The following FHIT variants were observed in gnomAD, a reference collection of about 807,000 sequenced individuals.
The protein encoded by FHIT is fragile histidine triad diadenosine triphosphatase.
FHIT carries 19 observed loss-of-function variants against 17.9 expected under a neutral mutation model. The ratio of observed to expected loss-of-function variants is 1.06; its 90% CI spans 0.74 to 1.56. The LOEUF (loss-of-function observed/expected upper bound fraction) is 1.56, where lower values mean the gene tolerates loss of function less well. Ranked by LOEUF, FHIT falls within the 40% of genes most tolerant of loss-of-function variation. FHIT has a pLI of 0.00. For synonymous variants in FHIT, 81 were observed against 69.7 expected (o/e 1.16, Z -0.81); for missense variants, 248 against 189.2 (o/e 1.31, Z -1.82).
At chr3:60,463,676 A>C (rs1318075427) in intron 5 of FHIT, among the ~76,000 whole-genome samples, 1 of 152,338 alleles carries the variant, frequency 6.6e-6, no homozygotes, top group South Asian at 2.1e-4. Flanking sequence ...AGGTTATAGC[A>C]TGCCCAGAGA....
intron 3 of FHIT, among the ~76,000 whole-genome samples, chr3:61,014,807 A>AAAAAT (rs1553798839): frequency 6.1e-5 from 3 of 49,098 alleles, no homozygotes; most frequent in African/African-American, 1.6e-4. Context: ...AAAAAAAAAA[A>AAAAAT]ATATATATAT....
intron 2 of FHIT, among the ~76,000 whole-genome samples, chr3:61,184,332 G>A (rs2118811): frequency 0.44 from 66,759 of 151,820 alleles, 15,705 homozygotes; most frequent in East Asian, 0.87. Context: ...GACAGCCAGA[G>A]GATACAGACA....
At chr3:60,423,094 G>A (rs1702535329) in intron 5 of FHIT, among the ~76,000 whole-genome samples, 1 of 152,144 alleles carries the variant, frequency 6.6e-6, no homozygotes. Context: ...GGAACAGGCA[G>A]CCTCAATTGC....
chr3:60,164,715 C>G (rs1701087118), intron 5 of FHIT, among the ~76,000 whole-genome samples: 1 of 152,098 alleles, frequency 6.6e-6, no homozygotes, highest in African/African-American at 2.4e-5. Flanking sequence ...ATCTGCCTAC[C>G]ACTGGGCTTG....
At chr3:59,866,739 C>A (rs760564417) in intron 8 of FHIT, among the ~76,000 whole-genome samples, 5 of 152,190 alleles carry the variant, frequency 3.3e-5, no homozygotes, top group Admixed American at 2.0e-4. Context: ...GGAGATAGTG[C>A]TTAGAAAGAA....
chr3:60,375,890 T>C (rs1454721426), intron 5 of FHIT, among the ~76,000 whole-genome samples: 1 of 152,160 alleles, frequency 6.6e-6, no homozygotes, highest in Admixed American at 6.5e-5. Context: ...CCCAATATGG[T>C]AGTCATGAGC....
At chr3:59,986,752 A>AAATATATT (rs1559524499) in intron 7 of FHIT, among the ~76,000 whole-genome samples, 40 of 2,214 alleles carry the variant, frequency 0.018, no homozygotes, top group South Asian at 0.024. Flanking sequence ...ATATTTATAT[A>AAATATATT]TATATAAATA....
intron 5 of FHIT, among the ~76,000 whole-genome samples, chr3:60,527,779 GAGA>G (rs2035627704): frequency 6.6e-6 from 1 of 152,176 alleles, no homozygotes; most frequent in South Asian, 2.1e-4. Context: ...AAACTCTAGG[GAGA>G]AGAACTTCTC....
At chr3:60,410,713 T>G (rs1020917426) in intron 5 of FHIT, among the ~76,000 whole-genome samples, 1 of 152,126 alleles carries the variant, frequency 6.6e-6, no homozygotes, top group African/African-American at 2.4e-5. Context: ...AGAGATTAAT[T>G]AGCTAAATAA....
At chr3:59,775,207 T>C (rs1199034248) in intron 8 of FHIT, among the ~76,000 whole-genome samples, 1 of 151,998 alleles carries the variant, frequency 6.6e-6, no homozygotes, top group African/African-American at 2.4e-5. Flanking sequence ...CCTGGGGGTG[T>C]TTAGGGTTTG....
intron 5 of FHIT, among the ~76,000 whole-genome samples, chr3:60,095,785 T>G (rs1416136000): frequency 6.6e-6 from 1 of 152,182 alleles, no homozygotes; most frequent in African/African-American, 2.4e-5. Context: ...ACCATTCTAG[T>G]TGGCCTATCT....
Position 59,752,215 on chromosome 3 carries a change from C to T in FHIT, c.*5+6G>A. On this transcript the variant is annotated splice_donor_region_variant and intron_variant, in intron 9 of 9. Transcript: ENST00000492590. The stretch of plus-strand genomic sequence containing the variant: ...GGTCTGGGTAATGACGAAATGCAGT[C>T]TTTACCTGTGTCACTGAAAGTAGAC... The T allele has an allele frequency of 1.2e-6, 2 of 1,607,748 alleles. No individual in the cohort carries two copies. The highest frequency in any genetic ancestry group is 1.7e-6 in the Non-Finnish European group (2 of 1,175,082).
At chr3:60,517,599 T>C (rs146059522) in intron 5 of FHIT, among the ~76,000 whole-genome samples, 7 of 152,342 alleles carry the variant, frequency 4.6e-5, no homozygotes, top group African/African-American at 1.7e-4. Flanking sequence ...CTTATCATTT[T>C]TAAGAAATTA....
At chr3:60,744,250 A>AAC (rs1553714668) in intron 4 of FHIT, among the ~76,000 whole-genome samples, 829 of 68,450 alleles carry the variant, frequency 0.012, 15 homozygotes, top group Non-Finnish European at 0.015. Context: ...GTAATGTAAA[A>AAC]AAAAAAACAA....
chr3:60,957,439 G>A (rs1007414737), intron 3 of FHIT, among the ~76,000 whole-genome samples: 10 of 151,902 alleles, frequency 6.6e-5, no homozygotes, highest in Admixed American at 1.3e-4. Flanking sequence ...GGGTTTCACC[G>A]TGTTAGCCAC....
chr3:60,947,108 G>GTC (rs1553775927), intron 3 of FHIT, among the ~76,000 whole-genome samples: 10 of 152,158 alleles, frequency 6.6e-5, no homozygotes, highest in African/African-American at 1.7e-4. Flanking sequence ...GCAAGGGCAG[G>GTC]TATGAGTCTA....
At chr3:60,130,791 A>G (rs958699313) in intron 5 of FHIT, among the ~76,000 whole-genome samples, 2,572 of 101,488 alleles carry the variant, frequency 0.025, 65 homozygotes, top group African/African-American at 0.063. Context: ...TGTGGTGTGT[A>G]TATACACACA....
intron 8 of FHIT, among the ~76,000 whole-genome samples, chr3:59,814,125 T>A (rs1253024845): frequency 2.0e-5 from 3 of 151,840 alleles, no homozygotes; most frequent in Non-Finnish European, 4.4e-5. Context: ...CTTGGCAAAT[T>A]AAACAAGGAG....
chr3:60,730,098 T>A (rs1454984516), intron 4 of FHIT: 3 of 514,860 alleles, frequency 5.8e-6, no homozygotes, highest in Non-Finnish European at 1.2e-5. Context: ...AGTAGATGTG[T>A]CCCAATGTCA....
Sources: gnomAD v4.1 joint callset for allele counts (sites outside exome capture counted in the v4.1 genomes callset) on GRCh38, gnomAD v4.1.1 for gene constraint, MANE v1.5 for transcripts, NCBI Gene and HGNC (gene_info 2026-07-23, HGNC 2026-07-21) for gene names.